Variants in LRGUK observed in about 807,000 individuals in gnomAD.
The protein encoded by LRGUK is leucine rich repeats and guanylate kinase domain containing, also known as leucine-rich repeat and guanylate kinase domain-containing protein.
Under a neutral mutation model 76.0 loss-of-function variants are expected in LRGUK, and 65 were observed. That is an observed-to-expected ratio of 0.85 (90% CI 0.70 to 1.05). LRGUK has a LOEUF of 1.05. Among genes scored for constraint, LRGUK ranks in the 50% least tolerant of loss-of-function variants. The probability of loss-of-function intolerance (pLI) is 0.00; values close to 1 mark genes in which losing one functional copy is unlikely to be tolerated. For synonymous variants in LRGUK, 268 were observed against 265.6 expected (o/e 1.01, Z -0.09); for missense variants, 758 against 732.8 (o/e 1.03, Z -0.40).
intron 4 of LRGUK, among the ~76,000 whole-genome samples, chr7:134,146,890 G>A (rs1797992240): frequency 6.6e-6 from 1 of 152,112 alleles, no homozygotes; most frequent in African/African-American, 2.4e-5. Flanking sequence ...TGATTATAAT[G>A]TACCCAGCAA....
the LRGUK span, among the ~76,000 whole-genome samples, chr7:134,270,023 G>A: frequency 6.6e-6 from 1 of 152,122 alleles, no homozygotes; most frequent in South Asian, 2.1e-4. Flanking sequence ...GTTTCTCTCT[G>A]AGAATAACAA....
intron 7 of LRGUK, 124 bp from the exon 8 acceptor site, chr7:134,174,429 AAAG>A: frequency 1.6e-6 from 1 of 629,436 alleles, no homozygotes; most frequent in Non-Finnish European, 2.8e-6. Context: ...TTCTCATTAA[AAAG>A]CTAGACAGAG....
At chr7:134,167,002 T>C (rs1402887506) in intron 7 of LRGUK, among the ~76,000 whole-genome samples, 1 of 152,166 alleles carries the variant, frequency 6.6e-6, no homozygotes, top group East Asian at 1.9e-4. Flanking sequence ...ATGAGAAGGG[T>C]TGGACTGGGT....
In LRGUK at chr7:134,247,942, G is replaced by A. The variant is rs143906611; in HGVS notation, c.2072+298G>A. Among the ~76,000 whole-genome samples, 774 of 152,158 alleles carry A rather than the reference G, an allele frequency of 5.1e-3. 11 individuals are homozygous for A. The highest frequency in any genetic ancestry group is 0.017 in the African/African-American group (720 of 41,506). On this transcript the variant is annotated intron_variant, in intron 17 of 19. Transcript: ENST00000285928. Reference sequence around the variant, plus strand: ...TGTGGCTTCACCACCTTTAACTATCGTCTATCCTTTCCCTTGCATGATTGT... The same window carrying A: ...TGTGGCTTCACCACCTTTAACTATCATCTATCCTTTCCCTTGCATGATTGT...
At chr7:134,189,175 C>G (rs939078649) in intron 11 of LRGUK, among the ~76,000 whole-genome samples, 1 of 152,166 alleles carries the variant, frequency 6.6e-6, no homozygotes, top group African/African-American at 2.4e-5. Context: ...TAAGTGAAAT[C>G]ACAGGGATTG....
chr7:134,235,014 C>T (rs1164803261), intron 16 of LRGUK, among the ~76,000 whole-genome samples: 1 of 152,302 alleles, frequency 6.6e-6, no homozygotes, highest in East Asian at 1.9e-4. Flanking sequence ...CTATCCTGGT[C>T]TACTCTTCCA....
At position 134,137,090 on chromosome 7, in the gene LRGUK, G is replaced by T. The variant is rs185796441; in HGVS notation, c.365G>T (p.Gly122Val). ...GCACTCCATCACTTGGGGCGCTCAG[G>T]CTCTGGGACTGAGCAAGTCTACCTC... The change falls in exon 2 of 16, where the codon GGC becomes GTC. Residue 122 changes from glycine (G) to valine (V), a missense_variant. Gly to Val is a moderately radical substitution (Grantham distance 109, BLOSUM62 -3). Coordinates refer to ENST00000645682, the Ensembl canonical transcript of LRGUK. 21 of 1,613,118 alleles carry T rather than the reference G, an allele frequency of 1.3e-5. No homozygotes were observed. In the Admixed American group the frequency reaches 1.5e-4, roughly 12 times the overall value.
At chr7:134,264,448 C>T (rs1563204880) in exon 20 of LRGUK, 1 of 152,416 alleles carries the variant, frequency 6.6e-6, no homozygotes, top group Non-Finnish European at 1.5e-5. Context: ...TTATTTTGCT[C>T]TGATTATGAA....
intron 10 of LRGUK, among the ~76,000 whole-genome samples, chr7:134,178,948 A>ACCAAAAAAAAAAAAAAC (rs1799620619): frequency 6.8e-6 from 1 of 148,080 alleles, no homozygotes; most frequent in African/African-American, 2.5e-5. Context: ...AAAAAAAAAA[A>ACCAAAAAAAAAAAAAAC]CCAGGACCAA....
At chr7:134,193,500 G>C (rs1274642057) in intron 12 of LRGUK, among the ~76,000 whole-genome samples, 1 of 152,010 alleles carries the variant, frequency 6.6e-6, no homozygotes, top group East Asian at 1.9e-4. Flanking sequence ...AGTCTAAAAA[G>C]TCACTACACT....
chr7:134,259,342 G>A (rs542497674), intron 19 of LRGUK, among the ~76,000 whole-genome samples: 2 of 152,252 alleles, frequency 1.3e-5, no homozygotes, highest in South Asian at 2.1e-4. Context: ...AGAATAATCT[G>A]GGTGTCAATA....
chr7:134,145,939 A>C (rs1797951396), intron 4 of LRGUK, among the ~76,000 whole-genome samples: 1 of 152,196 alleles, frequency 6.6e-6, no homozygotes, highest in Non-Finnish European at 1.5e-5. Context: ...TCTAGGTTCC[A>C]ATGGGAGTCC....
chr7:134,136,719 A>G (rs1797554259), intron 1 of LRGUK, among the ~76,000 whole-genome samples: 2 of 152,224 alleles, frequency 1.3e-5, no homozygotes, highest in African/African-American at 2.4e-5. Context: ...AGAACCCCTC[A>G]ATCAATACCA....
chr7:134,201,430 A>G (rs752847850), intron 14 of LRGUK, 51 bp from the exon 15 acceptor site: 2 of 1,360,756 alleles, frequency 1.5e-6, no homozygotes, highest in Non-Finnish European at 2.1e-6. Flanking sequence ...TTGAACATCA[A>G]CTGTATTGGA....
chr7:134,177,115 A>C, intron 9 of LRGUK, 52 bp downstream of exon 9: 12 of 1,124,304 alleles, frequency 1.1e-5, no homozygotes, highest in Non-Finnish European at 1.4e-5. Context: ...TAATATGCTC[A>C]AAAGCTCGTG....
At chr7:134,189,448 T>TA in intron 11 of LRGUK, among the ~76,000 whole-genome samples, 1 of 152,258 alleles carries the variant, frequency 6.6e-6, no homozygotes. Context: ...GATGATGAAT[T>TA]AAAAAAACAC....
At chr7:134,251,481 A>G (rs1249449709) in intron 18 of LRGUK, among the ~76,000 whole-genome samples, 2 of 152,140 alleles carry the variant, frequency 1.3e-5, no homozygotes, top group Non-Finnish European at 2.9e-5. Context: ...GAGACAATCA[A>G]TTTCCATTGT....
At chr7:134,183,914 A>G (rs1411868227) in intron 11 of LRGUK, 61 bp downstream of exon 11, 4 of 1,590,220 alleles carry the variant, frequency 2.5e-6, no homozygotes, top group East Asian at 2.3e-5. Flanking sequence ...GGAGGTATCA[A>G]TAGTTGTAGT....
At chr7:134,180,540 A>T (rs1393145483) in intron 10 of LRGUK, among the ~76,000 whole-genome samples, 1 of 152,148 alleles carries the variant, frequency 6.6e-6, no homozygotes, top group Non-Finnish European at 1.5e-5. Context: ...CACACCAAGA[A>T]ATCTGGTTCT....
Sources: allele counts gnomAD v4.1 joint callset (sites outside exome capture counted in the v4.1 genomes callset), GRCh38; gene constraint gnomAD v4.1.1; transcripts MANE v1.5; gene names NCBI Gene and HGNC (gene_info 2026-07-23, HGNC 2026-07-21).